Variants in HIPK2 observed in about 807,000 individuals in gnomAD.
HIPK2 encodes homeodomain-interacting protein kinase 2.
HIPK2 carries 27 observed loss-of-function variants against 113.7 expected under a neutral mutation model. The observed-to-expected ratio is 0.24, with a 90% CI of 0.17 to 0.33. The LOEUF is 0.33. Among genes scored for constraint, HIPK2 ranks in the 10% least tolerant of loss-of-function variants. The probability of loss-of-function intolerance (pLI) is 1.00; values close to 1 mark genes in which losing one functional copy is unlikely to be tolerated. For missense variants in HIPK2, 1,257 were observed against 1,588.0 expected, an observed-to-expected ratio of 0.79 and a Z score of 3.54; for synonymous variants, 631 against 642.2, an observed-to-expected ratio of 0.98 and a Z score of 0.26.
Position 139,583,909 on chromosome 7 carries a change from T to A in HIPK2, c.2873A>T (p.Asn958Ile), listed in dbSNP as rs1798751381. 1.2e-5 allele frequency: 20 copies of A among 1,613,994 alleles called. No individual in the cohort carries two copies. The East Asian group carries it at 4.5e-4, about 36-fold the overall frequency. ...NAFDTKGSLENHCTGNPRTII... is the reference protein window; with the variant it reads ...NAFDTKGSLEIHCTGNPRTII... ...GGTTCGGGGGTTCCCCGTGCAGTGA[T>A]TCTCCAGGCTCCCCTTGGTGTCAAA... The change falls in exon 13 of 15, where the codon AAT (asparagine) becomes ATT (isoleucine). Residue 958 changes from asparagine (N) to isoleucine (I), a missense_variant. Around this residue, in one of 5 missense-constraint regions of HIPK2, gnomAD observed 862 missense variants for 1,004.3 expected, o/e 0.86. Coordinates refer to ENST00000406875, the MANE Select transcript of HIPK2 (RefSeq NM_022740.5).
intron 2 of HIPK2, among the ~76,000 whole-genome samples, chr7:139,672,416 T>C (rs1442166261): frequency 6.6e-6 from 1 of 152,192 alleles, no homozygotes; most frequent in African/African-American, 2.4e-5. Context: ...AAAAAAATGG[T>C]CAGTTTAAGT....
chr7:139,694,666 C>T (rs1306483646), intron 2 of HIPK2, among the ~76,000 whole-genome samples: 1 of 152,130 alleles, frequency 6.6e-6, no homozygotes, highest in Non-Finnish European at 1.5e-5. Flanking sequence ...CACATAAAAA[C>T]AGAGATGGGG....
intron 2 of HIPK2, among the ~76,000 whole-genome samples, chr7:139,670,086 G>A (rs891857134): frequency 2.6e-5 from 4 of 152,220 alleles, no homozygotes; most frequent in Non-Finnish European, 5.9e-5. Context: ...GGTTTGGCAA[G>A]TGAGACAATA....
intron 13 of HIPK2, among the ~76,000 whole-genome samples, chr7:139,575,541 A>G (rs969427316): frequency 6.6e-6 from 1 of 152,204 alleles, no homozygotes; most frequent in Non-Finnish European, 1.5e-5. Context: ...GAAAGCGGAA[A>G]AGAATCAGGA....
chr7:139,694,397 A>C (rs950634421), intron 2 of HIPK2, among the ~76,000 whole-genome samples: 5 of 151,900 alleles, frequency 3.3e-5, no homozygotes, highest in African/African-American at 9.7e-5. Context: ...GATGATCATG[A>C]CGTATCCCAG....
intron 12 of HIPK2, among the ~76,000 whole-genome samples, chr7:139,591,686 C>A (rs1281245104): frequency 6.6e-6 from 1 of 152,204 alleles, no homozygotes; most frequent in Non-Finnish European, 1.5e-5. Context: ...GTCAGCTGGA[C>A]AAAAGATCCT....
intron 1 of HIPK2, among the ~76,000 whole-genome samples, chr7:139,723,725 A>T (rs1014626342): frequency 6.6e-5 from 10 of 152,242 alleles, no homozygotes; most frequent in Non-Finnish European, 1.2e-4. Flanking sequence ...ACAATAAAAA[A>T]AAATAAATTG....
At chr7:139,731,069 C>A (rs754785116) in intron 1 of HIPK2, among the ~76,000 whole-genome samples, 7 of 152,198 alleles carry the variant, frequency 4.6e-5, no homozygotes, top group Non-Finnish European at 8.8e-5. Flanking sequence ...TTTAGGCCAC[C>A]TATTAATAGT....
At chr7:139,585,938 T>C (rs1798820104) in intron 12 of HIPK2, among the ~76,000 whole-genome samples, 1 of 152,168 alleles carries the variant, frequency 6.6e-6, no homozygotes, top group Non-Finnish European at 1.5e-5. Context: ...CTACAGGGAA[T>C]ACCTATACAA....
intron 13 of HIPK2, among the ~76,000 whole-genome samples, chr7:139,582,339 T>C (rs1438025210): frequency 6.6e-6 from 1 of 152,224 alleles, no homozygotes; most frequent in Non-Finnish European, 1.5e-5. Flanking sequence ...TGGCTCTATT[T>C]TTCCTGAAGG....
chr7:139,694,167 G>T (rs1446713984), intron 2 of HIPK2, among the ~76,000 whole-genome samples: 1 of 152,120 alleles, frequency 6.6e-6, no homozygotes, highest in Non-Finnish European at 1.5e-5. Flanking sequence ...GATGCACTTC[G>T]AATTAGCAAA....
intron 7 of HIPK2, among the ~76,000 whole-genome samples, chr7:139,615,186 A>T (rs1475925719): frequency 6.6e-6 from 1 of 152,210 alleles, no homozygotes; most frequent in Non-Finnish European, 1.5e-5. Context: ...ACAGGCGGAG[A>T]GCAGGGCCGA....
chr7:139,648,710 CG>C (rs1360306010), intron 2 of HIPK2, among the ~76,000 whole-genome samples: 1 of 152,092 alleles, frequency 6.6e-6, no homozygotes, highest in Non-Finnish European at 1.5e-5. Context: ...TGCATCATTA[CG>C]GAGGACGGAG....
intron 2 of HIPK2, among the ~76,000 whole-genome samples, chr7:139,672,480 T>C (rs1802338995): frequency 1.3e-5 from 2 of 152,200 alleles, no homozygotes; most frequent in East Asian, 3.8e-4. Flanking sequence ...AACTTTTTTT[T>C]TTGAGATGGA....
rs999878644 is a variant in HIPK2, at chr7:139,702,061, C to T, written c.1103+13871G>A. ...CACGAGGAGCAGAGAAAGAAGAACA[C>T]GCTTTAGGAGGTGTCTTTTGAGAGC... On this transcript the variant is annotated intron_variant, in intron 2 of 14. Coordinates refer to ENST00000406875, the MANE Select transcript of HIPK2 (RefSeq NM_022740.5). Among the ~76,000 whole-genome samples, 267 of 152,254 alleles carry T rather than the reference C, an allele frequency of 1.8e-3. 1 individual carries two copies. The highest frequency in any genetic ancestry group is 5.7e-3 in the African/African-American group (236 of 41,546).
In HIPK2 at chr7:139,613,455, T is replaced by A; in HGVS notation, c.1991-132A>T. 1.6e-5 allele frequency: 17 copies of A among 1,044,888 alleles called. No homozygotes were observed. Among genetic ancestry groups the A allele is most frequent in the Non-Finnish European group, 2.3e-5 (17 of 734,956 alleles). The allele number at this position is 1,044,888 out of a possible 1,614,324, so 64.7% of individuals were successfully genotyped here. A position where few individuals can be genotyped will look rare whatever the true frequency, so the allele number is the denominator to read the frequency against. On this transcript the variant is annotated intron_variant, in intron 8 of 14. Transcript: ENST00000406875. The surrounding 1 kb of genome is among the most constrained non-coding windows in gnomAD (Gnocchi z 4.2). ...ACTGGTCACTGACAACAACCAGGTA[T>A]TGCCTGGTCCTTGGAAGTCTCCCCT...
chr7:139,773,767 T>G (rs1453723729), intron 1 of HIPK2, among the ~76,000 whole-genome samples: 1 of 152,196 alleles, frequency 6.6e-6, no homozygotes, highest in East Asian at 1.9e-4. Context: ...GCGAGGAGCC[T>G]CCCCTTGGAG....
intron 6 of HIPK2, among the ~76,000 whole-genome samples, chr7:139,622,675 C>T (rs1212425059): frequency 1.3e-5 from 2 of 152,184 alleles, no homozygotes; most frequent in Non-Finnish European, 2.9e-5. Flanking sequence ...AGGGGCGCTA[C>T]AGCTGCATGG....
At chr7:139,651,476 G>C (rs953755491) in intron 2 of HIPK2, among the ~76,000 whole-genome samples, 17 of 152,296 alleles carry the variant, frequency 1.1e-4, no homozygotes, top group African/African-American at 4.1e-4. Context: ...GTCAGTTCGT[G>C]GTCACAATGA....
Sources: allele counts gnomAD v4.1 joint callset (sites outside exome capture counted in the v4.1 genomes callset), GRCh38; gene constraint gnomAD v4.1.1; regional missense constraint gnomAD v4.1.1; non-coding constraint Gnocchi (gnomAD v3.1); transcripts MANE v1.5; gene names NCBI Gene and HGNC (gene_info 2026-07-23, HGNC 2026-07-21).